APAF1: variants seen among roughly 807,000 people sequenced by gnomAD.
The protein encoded by APAF1 is apoptotic peptidase activating factor 1.
A neutral mutation model predicts 152.4 loss-of-function variants in APAF1; 91 were observed. That is an observed-to-expected ratio of 0.60 (90% CI 0.50 to 0.71). The LOEUF (loss-of-function observed/expected upper bound fraction) is 0.71. Ranked by LOEUF, APAF1 falls within the 30% of genes least tolerant of loss-of-function variation. APAF1 has a pLI of 0.00. For missense variants in APAF1, 1,283 were observed against 1,472.0 expected, an observed-to-expected ratio of 0.87 and a Z score of 2.10; for synonymous variants, 484 against 494.1, an observed-to-expected ratio of 0.98 and a Z score of 0.27.
intron 24 of APAF1, among the ~76,000 whole-genome samples, chr12:98,724,782 G>C (rs2097748058): frequency 6.6e-6 from 1 of 152,118 alleles, no homozygotes; most frequent in Non-Finnish European, 1.5e-5. Context: ...AGTGACTGTA[G>C]CTAGTTTATC....
chr12:98,735,042 G>GT lies in APAF1; in HGVS notation c.*2479dup, dbSNP rs1453880471. ...ACAGGAGGATTCCTTGAGCCCTGGA[G>GT]TTTGAGTCCAGCCTGGGTGACATAG... On this transcript the variant is annotated 3_prime_UTR_variant, in exon 27 of 27. Coordinates refer to ENST00000551964, the MANE Select transcript of APAF1 (RefSeq NM_181861.2). 5.1e-6 allele frequency: 2 copies of GT among 392,818 alleles called. No individual in the cohort carries two copies. The highest frequency in any genetic ancestry group is 4.1e-5 in the African/African-American group (2 of 48,496). The allele number at this position is 392,818 out of a possible 1,614,324, so 24.3% of individuals were successfully genotyped here.
intron 18 of APAF1, among the ~76,000 whole-genome samples, chr12:98,704,293 C>T (rs2097718991): frequency 6.6e-6 from 1 of 152,108 alleles, no homozygotes; most frequent in Non-Finnish European, 1.5e-5. Context: ...TCCAGGCTTT[C>T]TTAGTCTTCA....
intron 4 of APAF1, among the ~76,000 whole-genome samples, chr12:98,650,814 A>C (rs1172209550): frequency 6.6e-6 from 1 of 152,138 alleles, no homozygotes; most frequent in Admixed American, 6.5e-5. Flanking sequence ...AAAGTTGATC[A>C]CTAAGGATAT....
intron 16 of APAF1, among the ~76,000 whole-genome samples, chr12:98,696,360 A>T (rs1201399689): frequency 2.0e-5 from 3 of 151,946 alleles, no homozygotes; most frequent in Non-Finnish European, 2.9e-5. Flanking sequence ...AACAACCCGC[A>T]CTCTTGAGAA....
At chr12:98,730,371 C>T (rs2097758906) in intron 26 of APAF1, among the ~76,000 whole-genome samples, 1 of 152,214 alleles carries the variant, frequency 6.6e-6, no homozygotes, top group Non-Finnish European at 1.5e-5. Context: ...TTTAACTGCT[C>T]AGCTTTGACA....
intron 22 of APAF1, among the ~76,000 whole-genome samples, chr12:98,717,160 A>G (rs111938550): frequency 6.6e-6 from 1 of 150,794 alleles, no homozygotes; most frequent in African/African-American, 2.4e-5. Flanking sequence ...GAGCCCCCGC[A>G]CCTGGCCTAC....
chr12:98,678,109 T>A (rs1047703771), intron 13 of APAF1, among the ~76,000 whole-genome samples: 2 of 152,248 alleles, frequency 1.3e-5, no homozygotes, highest in Non-Finnish European at 1.5e-5. Context: ...TAGGATACTT[T>A]TAGTCTTTGC....
chr12:98,723,492 TGTTA>T lies in APAF1; in HGVS notation c.3205-144_3205-141del, dbSNP rs146613849. On this transcript the variant is annotated intron_variant, in intron 23 of 26. Coordinates refer to ENST00000551964, the MANE Select transcript of APAF1 (RefSeq NM_181861.2). ...TGCTGTGTTTAATGAGCATTTATAC[TGTTA>T]GTCACATTTAAAGTAAAGGGGTCAG... The T allele has an allele frequency of 6.2e-3, 5,943 of 956,584 alleles. 216 individuals are homozygous for T. The African/African-American group carries it at 0.086, about 14-fold the overall frequency. The allele number at this position is 956,584 out of a possible 1,614,324, so 59.3% of individuals were successfully genotyped here. A position where few individuals can be genotyped will look rare whatever the true frequency, so the allele number is the denominator to read the frequency against.
rs1320141890 is a variant in APAF1, at chr12:98,662,536, C to T, written c.791C>T (p.Thr264Ile). 1 of 1,613,234 alleles carries T rather than the reference C, an allele frequency of 6.2e-7. No homozygotes were observed. Among genetic ancestry groups the T allele is most frequent in the Admixed American group, 1.7e-5 (1 of 59,984 alleles). The stretch of plus-strand genomic sequence containing the variant: ...AGTCAGTGTCAGATTCTTCTTACAA[C>T]CAGAGACAAGAGTGTTACAGATTCA... ...FDSQCQILLT[T>I]RDKSVTDSVM... Residue 264 changes from threonine (T) to isoleucine (I), a missense_variant, in exon 6 of 27, where the codon ACC (threonine) becomes ATC (isoleucine). Coordinates refer to ENST00000551964, the MANE Select transcript of APAF1 (RefSeq NM_181861.2).
rs548186398 is a variant in APAF1 at position 98,723,565 on chromosome 12, T to C, written c.3205-74T>C. The C allele has an allele frequency of 3.1e-5, 43 of 1,384,118 alleles. No individual in the cohort carries two copies. The East Asian group carries it at 9.6e-4, about 31-fold the overall frequency. The allele number at this position is 1,384,118 out of a possible 1,614,324, so 85.7% of individuals were successfully genotyped here. A position where few individuals can be genotyped will look rare whatever the true frequency, so the allele number is the denominator to read the frequency against. On this transcript the variant is annotated intron_variant, in intron 23 of 26. Coordinates refer to ENST00000551964, the MANE Select transcript of APAF1 (RefSeq NM_181861.2). ...ACTCTTGTTTTATAGACCTGTCTTG[T>C]AGCTGATTATGCTTTTTAATATAAA...
chr12:98,729,886 G>A (rs1057197205), intron 26 of APAF1, among the ~76,000 whole-genome samples: 3 of 152,124 alleles, frequency 2.0e-5, no homozygotes, highest in Non-Finnish European at 4.4e-5. Flanking sequence ...CAAAAATACA[G>A]ATAAACAAAA....
chr12:98,667,764 G>GTTTTTT, intron 10 of APAF1, 120 bp downstream of exon 10: 1 of 383,448 alleles, frequency 2.6e-6, no homozygotes, highest in Non-Finnish European at 4.2e-6. Context: ...CTTTCCATTT[G>GTTTTTT]ATTTTTTTTT....
chr12:98,649,597 C>A lies in APAF1; in HGVS notation c.439C>A (p.Pro147Thr), dbSNP rs760691992. 7 of 1,614,112 alleles carry A rather than the reference C, an allele frequency of 4.3e-6. No homozygotes were observed. The South Asian group carries it at 7.7e-5, about 18-fold the overall frequency. Residue 147 changes from proline (P) to threonine (T), a missense_variant, in exon 4 of 27, where the codon CCA (proline) becomes ACA (threonine). Pro to Thr is a conservative substitution (Grantham distance 38). Transcript: ENST00000551964. Reference sequence around the variant, plus strand: ...GAAGCTCTCCAAATTGAAAGGTGAACCAGGATGGGTCACCATACATGGAAT... The same window carrying A: ...GAAGCTCTCCAAATTGAAAGGTGAAACAGGATGGGTCACCATACATGGAAT... ...QQKLSKLKGE[P>T]GWVTIHGMAG... is the part of the protein sequence containing the mutation.
chr12:98,668,120 G>GTTGT (rs1281216368), intron 10 of APAF1, among the ~76,000 whole-genome samples: 1 of 152,078 alleles, frequency 6.6e-6, no homozygotes, highest in Non-Finnish European at 1.5e-5. Flanking sequence ...ATTTACCACT[G>GTTGT]TTGTTGTCGT....
intron 22 of APAF1, among the ~76,000 whole-genome samples, chr12:98,722,116 C>T (rs1214255109): frequency 6.6e-6 from 1 of 152,208 alleles, no homozygotes; most frequent in African/African-American, 2.4e-5. Flanking sequence ...TGAGCAGGTC[C>T]CTTTTCACGT....
At chr12:98,721,002 T>C (rs1192451566) in intron 22 of APAF1, among the ~76,000 whole-genome samples, 3 of 152,094 alleles carry the variant, frequency 2.0e-5, no homozygotes, top group Admixed American at 6.6e-5. Flanking sequence ...TTAACATTTC[T>C]ACAATTTAAA....
At position 98,734,793 on chromosome 12, in the gene APAF1, A is replaced by T. The variant is rs990509490; in HGVS notation, c.*2227A>T. 1 of 176,540 alleles carries T rather than the reference A, an allele frequency of 5.7e-6. No homozygotes were observed. Among genetic ancestry groups the T allele is most frequent in the Admixed American group, 6.3e-5 (1 of 15,990 alleles). The allele number at this position is 176,540 out of a possible 1,614,324, so 10.9% of individuals were successfully genotyped here. On this transcript the variant is annotated 3_prime_UTR_variant, in exon 27 of 27. Transcript: ENST00000551964. ...ATTTCTGTAAATGGTATGTCTCCTT[A>T]GAATACCCAAATCATAATTTTATTT...
At chr12:98,691,090 C>G (rs559759971) in intron 16 of APAF1, among the ~76,000 whole-genome samples, 109 of 152,130 alleles carry the variant, frequency 7.2e-4, no homozygotes, top group Non-Finnish European at 1.1e-3. Flanking sequence ...GCCTGTAATC[C>G]CAACTACTCA....
At chr12:98,695,363 T>C (rs867078247) in intron 16 of APAF1, among the ~76,000 whole-genome samples, 1,412 of 116,786 alleles carry the variant, frequency 0.012, 14 homozygotes, top group South Asian at 0.038. Flanking sequence ...GCCCCCCCCC[T>C]TTTTTTTTTT....
Sources: gnomAD v4.1 joint callset for allele counts (sites outside exome capture counted in the v4.1 genomes callset) on GRCh38, gnomAD v4.1.1 for gene constraint, MANE v1.5 for transcripts, NCBI Gene and HGNC (gene_info 2026-07-23, HGNC 2026-07-21) for gene names.